NDRG2: variants seen among roughly 807,000 people sequenced by gnomAD.
The protein encoded by NDRG2 is NDRG family member 2.
NDRG2 carries 34 observed loss-of-function variants against 58.2 expected under a neutral mutation model. That is an observed-to-expected ratio of 0.58 (90% CI 0.44 to 0.78). The LOEUF is 0.78. NDRG2 is among the 30% of genes least tolerant of loss of function. The pLI is 0.00. For missense variants in NDRG2, 434 were observed against 471.2 expected, an observed-to-expected ratio of 0.92 and a Z score of 0.73; for synonymous variants, 187 against 175.9, an observed-to-expected ratio of 1.06 and a Z score of -0.50.
At chr14:21,025,499 C>A (rs1231719980), upstream of NDRG2, 2 of 985,332 alleles carry the variant, frequency 2.0e-6, no homozygotes, top group Non-Finnish European at 2.4e-6. This position sits in a 1 kb window ranked among gnomAD's most constrained non-coding sequence, Gnocchi z 5.1. Context: ...ACGAGTTCGA[C>A]TCCCCCCGCC....
rs146972532 is a variant in NDRG2, at chr14:21,040,828, C to T, written c.25-17507G>A. On this transcript the variant is annotated intron_variant, in intron 1 of 14. Transcript: ENST00000403829. ...AGAGTCAGCGATTTCAACGATGTTACGTAAAATTACTGACCACCAACCCCT... is the reference window on the plus strand; with the variant it reads ...AGAGTCAGCGATTTCAACGATGTTATGTAAAATTACTGACCACCAACCCCT... Among the ~76,000 whole-genome samples, 650 of 152,264 alleles carry T rather than the reference C, an allele frequency of 4.3e-3. 2 individuals are homozygous for T. Among genetic ancestry groups the T allele is most frequent in the Non-Finnish European group, 7.0e-3 (478 of 68,006 alleles).
chr14:21,023,565 C>G, intron 1 of NDRG2: 1 of 502,418 alleles, frequency 2.0e-6, no homozygotes. Flanking sequence ...CCACTGCCAC[C>G]CTCAACACCA....
At chr14:21,023,074 A>C (rs1881601855) in intron 2 of NDRG2, 167 bp downstream of exon 2, 1 of 952,710 alleles carries the variant, frequency 1.0e-6, no homozygotes, top group Non-Finnish European at 1.6e-6. Flanking sequence ...TGTAGTGACG[A>C]GACAAGGGCC....
chr14:21,041,918 A>G (rs1407072670), intron 1 of NDRG2, among the ~76,000 whole-genome samples: 1 of 152,216 alleles, frequency 6.6e-6, no homozygotes, highest in African/African-American at 2.4e-5. Context: ...CAGTATCTCC[A>G]GATGACAAGG....
At chr14:21,069,098 C>T (rs966798808) in intron 1 of NDRG2, among the ~76,000 whole-genome samples, 36 of 152,372 alleles carry the variant, frequency 2.4e-4, no homozygotes, top group East Asian at 5.8e-4. Flanking sequence ...CTCTCCCTTC[C>T]GTCCACCCTT....
chr14:21,034,274 C>T, intron 1 of NDRG2: 1 of 1,611,526 alleles, frequency 6.2e-7, no homozygotes, highest in Non-Finnish European at 8.5e-7. Flanking sequence ...GGAGCCGGGT[C>T]ACAGCTGGTG....
intron 1 of NDRG2, among the ~76,000 whole-genome samples, chr14:21,069,018 C>T (rs1459617388): frequency 6.6e-6 from 1 of 152,262 alleles, no homozygotes; most frequent in Non-Finnish European, 1.5e-5. Context: ...TTCTCATCAT[C>T]GCCCTCCAGC....
At chr14:21,033,280 A>C (rs947558628) in intron 1 of NDRG2, 9 of 315,186 alleles carry the variant, frequency 2.9e-5, no homozygotes, top group African/African-American at 1.6e-4. Flanking sequence ...CAGGCTGGAA[A>C]CTGGGGGTTG....
intron 1 of NDRG2, among the ~76,000 whole-genome samples, chr14:21,055,409 C>T (rs1421692130): frequency 6.6e-6 from 1 of 152,040 alleles, no homozygotes; most frequent in Non-Finnish European, 1.5e-5. Context: ...ATATTTTTCC[C>T]AGTCTCAAAT....
chr14:21,036,987 C>G (rs1337970102), intron 1 of NDRG2, among the ~76,000 whole-genome samples: 1 of 152,204 alleles, frequency 6.6e-6, no homozygotes, highest in Non-Finnish European at 1.5e-5. Flanking sequence ...ACATTGTGGT[C>G]CCTGCCTTGA....
chr14:21,036,521 G>A (rs879377407), intron 1 of NDRG2, among the ~76,000 whole-genome samples: 1 of 152,160 alleles, frequency 6.6e-6, no homozygotes, highest in Non-Finnish European at 1.5e-5. Flanking sequence ...GGCCACATGT[G>A]ACCCGCGGGC....
chr14:21,020,874 T>G, intron 6 of NDRG2, 30 bp from the exon 7 acceptor site: 2 of 1,610,646 alleles, frequency 1.2e-6, no homozygotes, highest in Non-Finnish European at 1.7e-6. Context: ...ATACGCCTCA[T>G]GGGATCTGCT....
chr14:21,051,135 C>T (rs1311516758), intron 1 of NDRG2, among the ~76,000 whole-genome samples: 1 of 152,148 alleles, frequency 6.6e-6, no homozygotes, highest in African/African-American at 2.4e-5. Flanking sequence ...TGTGTTCCAC[C>T]TGGGGTAGCA....
intron 1 of NDRG2, chr14:21,032,236 A>G (rs1243462): frequency 0.87 from 667,816 of 771,232 alleles, 291,255 homozygotes; most frequent in East Asian, 0.97. Flanking sequence ...GAGGCAGCAC[A>G]GGAGGGTGGG....
At chr14:21,036,035 A>G in intron 1 of NDRG2, 2 of 378,690 alleles carry the variant, frequency 5.3e-6, no homozygotes, top group South Asian at 4.0e-5. Flanking sequence ...ACCTCACGGC[A>G]GTATGAGGAT....
rs4387520 is a variant in NDRG2 at position 21,020,839 on chromosome 14, G to C, written c.413C>G (p.Ser138Cys). 3 of 1,613,282 alleles carry C rather than the reference G, an allele frequency of 1.9e-6. No homozygotes were observed. Among genetic ancestry groups the C allele is most frequent in the African/African-American group, 2.7e-5 (2 of 74,918 alleles). Residue 138 changes from serine to cysteine, a missense_variant, in exon 7 of 16, where the codon TCT (serine) becomes TGT (cysteine). Ser to Cys is a moderately radical substitution (Grantham distance 112, BLOSUM62 -1). Coordinates refer to ENST00000556147, the MANE Select transcript of NDRG2 (RefSeq NM_001320329.2). ...TCCAACACCAACTCCAATTATTGTA[G>C]AGAAACTGTGAAAGGGAAAGAAATA... ...IPCVLQYLNF[S>C]TIIGVGVGAG...
intron 1 of NDRG2, chr14:21,058,021 G>A (rs1342185400): frequency 2.2e-5 from 36 of 1,613,990 alleles, no homozygotes; most frequent in Non-Finnish European, 2.8e-5. Flanking sequence ...CTCAGCATGT[G>A]CAGCCCAGCC....
At chr14:21,018,155 C>G in intron 14 of NDRG2, 49 bp downstream of exon 14, 3 of 1,610,450 alleles carry the variant, frequency 1.9e-6, no homozygotes, top group Non-Finnish European at 1.7e-6. Context: ...CCCAGTGCCA[C>G]CGGTATCCTA....
chr14:21,055,786 T>C (rs1885649050), intron 1 of NDRG2, among the ~76,000 whole-genome samples: 1 of 152,122 alleles, frequency 6.6e-6, no homozygotes, highest in Admixed American at 6.6e-5. Context: ...AATCACTTGG[T>C]AACCCTTCCA....
Sources: allele counts gnomAD v4.1 joint callset (sites outside exome capture counted in the v4.1 genomes callset), GRCh38; gene constraint gnomAD v4.1.1; non-coding constraint Gnocchi (gnomAD v3.1); transcripts MANE v1.5; gene names NCBI Gene and HGNC (gene_info 2026-07-23, HGNC 2026-07-21).